Variants in LIPC observed in about 807,000 individuals in gnomAD.
LIPC encodes hepatic triacylglycerol lipase.
A neutral mutation model predicts 50.7 loss-of-function variants in LIPC; 44 were observed. That is an observed-to-expected ratio of 0.87 (90% CI 0.68 to 1.11). LIPC has a LOEUF of 1.11. Among genes scored for constraint, LIPC ranks in the 50% most tolerant of loss-of-function variants. The pLI, the probability that LIPC is intolerant of heterozygous loss-of-function variation, is 0.00. For synonymous variants in LIPC, 271 were observed against 256.4 expected, an observed-to-expected ratio of 1.06 and a Z score of -0.54; for missense variants, 697 against 648.2, an observed-to-expected ratio of 1.08 and a Z score of -0.82.
chr15:58,515,644 G>C (rs1279368469), intron 1 of LIPC, among the ~76,000 whole-genome samples: 2 of 151,910 alleles, frequency 1.3e-5, no homozygotes, highest in Non-Finnish European at 2.9e-5. Context: ...AGGGGCAGAG[G>C]AGTAATACAA....
In LIPC at chr15:58,505,575, T is replaced by A. The variant is rs1375295891; in HGVS notation, c.89-32758T>A. Among the ~76,000 whole-genome samples the A allele has an allele frequency of 3.9e-5, 6 of 152,136 alleles. No individual in the cohort carries two copies. In the East Asian group the frequency reaches 1.2e-3, roughly 29 times the overall value. ...AGATAGACTGTTCAGATGATACTCA[T>A]CTAATGCCATTGGCAGCTCCTCTCT... On this transcript the variant is annotated intron_variant, in intron 1 of 8. Coordinates refer to ENST00000299022, the MANE Select transcript of LIPC (RefSeq NM_000236.3).
intron 1 of LIPC, among the ~76,000 whole-genome samples, chr15:58,489,996 T>C (rs184052355): frequency 2.0e-5 from 3 of 149,180 alleles, no homozygotes; most frequent in Non-Finnish European, 4.5e-5. Flanking sequence ...CTGCTAATAC[T>C]GTGGGGAAAA....
chr15:58,519,282 G>A (rs768895472), intron 1 of LIPC, among the ~76,000 whole-genome samples: 21 of 151,994 alleles, frequency 1.4e-4, no homozygotes, highest in Admixed American at 2.6e-4. Flanking sequence ...GTGGTGGCAG[G>A]TGCCTGTAGT....
intron 1 of LIPC, among the ~76,000 whole-genome samples, chr15:58,509,240 A>AT (rs1315629846): frequency 6.6e-6 from 1 of 152,206 alleles, no homozygotes. Flanking sequence ...TCCTCCTCAG[A>AT]TGATGAGCCA....
intron 4 of LIPC, among the ~76,000 whole-genome samples, chr15:58,543,231 C>T (rs550515453): frequency 1.1e-4 from 17 of 152,248 alleles, no homozygotes; most frequent in Non-Finnish European, 1.5e-4. Flanking sequence ...CCAACCCCAC[C>T]CTTCACACTG....
intron 1 of LIPC, 59 bp from the exon 2 acceptor site, chr15:58,538,274 G>C: frequency 6.6e-7 from 1 of 1,525,354 alleles, no homozygotes. Flanking sequence ...TTGAGAAGAC[G>C]GAGGGCTTCA....
chr15:58,473,135 C>A (rs1890869595), intron 1 of LIPC, among the ~76,000 whole-genome samples: 1 of 152,124 alleles, frequency 6.6e-6, no homozygotes, highest in African/African-American at 2.4e-5. Context: ...AGGATCAGCA[C>A]TGGGTATTGG....
intron 1 of LIPC, among the ~76,000 whole-genome samples, chr15:58,457,261 C>T (rs767413563): frequency 3.3e-5 from 5 of 152,176 alleles, no homozygotes; most frequent in Non-Finnish European, 7.3e-5. Context: ...AGGCAGGCAC[C>T]ACCACGCCTG....
At chr15:58,532,858 C>T (rs1484908731) in intron 1 of LIPC, among the ~76,000 whole-genome samples, 2 of 152,190 alleles carry the variant, frequency 1.3e-5, no homozygotes, top group African/African-American at 4.8e-5. Flanking sequence ...ATCAGGAACC[C>T]TCAAACCTAG....
chr15:58,508,851 C>CT lies in LIPC; in HGVS notation c.89-29471dup, dbSNP rs61059869. On this transcript the variant is annotated intron_variant, in intron 1 of 8. Coordinates refer to ENST00000299022, the MANE Select transcript of LIPC (RefSeq NM_000236.3). Reference sequence around the variant, plus strand: ...GTTTTTCAACCCTTCATTCCTGCTACTTTTTTTTTTTAATTTTTTAGTATT... The same window carrying CT: ...GTTTTTCAACCCTTCATTCCTGCTACTTTTTTTTTTTTAATTTTTTAGTATT... 4.4e-3 allele frequency among the ~76,000 whole-genome samples: 645 copies of CT among 148,022 alleles called. 4 individuals carry two copies. The highest frequency in any genetic ancestry group is 0.015 in the African/African-American group (601 of 40,504).
intron 1 of LIPC, among the ~76,000 whole-genome samples, chr15:58,461,991 TC>T (rs1422320823): frequency 1.3e-5 from 2 of 151,814 alleles, no homozygotes; most frequent in Non-Finnish European, 2.9e-5. Flanking sequence ...GAATGTGTTT[TC>T]TCCCTCATCC....
intron 4 of LIPC, among the ~76,000 whole-genome samples, chr15:58,543,542 A>C (rs1893413131): frequency 6.6e-6 from 1 of 152,052 alleles, no homozygotes; most frequent in African/African-American, 2.4e-5. Flanking sequence ...ATCCTTCAAG[A>C]CCCAGCAGGC....
intron 6 of LIPC, among the ~76,000 whole-genome samples, chr15:58,554,327 C>G (rs1893861966): frequency 6.6e-6 from 1 of 152,044 alleles, no homozygotes; most frequent in African/African-American, 2.4e-5. Flanking sequence ...TCTTTAAGAC[C>G]TGAAATAATT....
intron 6 of LIPC, among the ~76,000 whole-genome samples, chr15:58,552,984 G>A (rs934477644): frequency 2.0e-5 from 3 of 152,194 alleles, no homozygotes; most frequent in Non-Finnish European, 4.4e-5. Flanking sequence ...GATGACACCC[G>A]ATTAACACCT....
chr15:58,467,663 G>T (rs1426460024), intron 1 of LIPC, among the ~76,000 whole-genome samples: 1 of 152,084 alleles, frequency 6.6e-6, no homozygotes, highest in Non-Finnish European at 1.5e-5. Context: ...TATCAGAGTG[G>T]CCCATTCTCA....
chr15:58,432,419 T>C (rs1893154731), intron 1 of LIPC: 3 of 412,346 alleles, frequency 7.3e-6, no homozygotes, highest in Non-Finnish European at 1.4e-5. Context: ...CGGCAAATGA[T>C]ATGAAAGCGA....
intron 1 of LIPC, chr15:58,436,629 T>C: frequency 2.3e-6 from 1 of 430,924 alleles, no homozygotes. Flanking sequence ...CCGTTCTGTG[T>C]GTCAAATACA....
chr15:58,459,272 G>C (rs575784968), intron 1 of LIPC, among the ~76,000 whole-genome samples: 2 of 152,212 alleles, frequency 1.3e-5, no homozygotes, highest in African/African-American at 4.8e-5. Flanking sequence ...AAGTGACATA[G>C]ACAGTGTCTT....
chr15:58,558,819 A>T (rs1414273902), intron 6 of LIPC, among the ~76,000 whole-genome samples: 1 of 152,220 alleles, frequency 6.6e-6, no homozygotes, highest in African/African-American at 2.4e-5. Flanking sequence ...GCTAGCTCTT[A>T]TCTAAAGCAG....
Sources: gnomAD v4.1 joint callset for allele counts (sites outside exome capture counted in the v4.1 genomes callset) on GRCh38, gnomAD v4.1.1 for gene constraint, MANE v1.5 for transcripts, NCBI Gene and HGNC (gene_info 2026-07-23, HGNC 2026-07-21) for gene names.